Variants in RSU1 observed in about 807,000 individuals in gnomAD.
RSU1 encodes rsu-1.
A neutral mutation model predicts 31.1 loss-of-function variants in RSU1; 26 were observed. That is an observed-to-expected ratio of 0.84 (90% CI 0.61 to 1.16). The LOEUF (loss-of-function observed/expected upper bound fraction) is 1.16, where lower values mean the gene tolerates loss of function less well. Ranked by LOEUF, RSU1 falls within the 50% of genes most tolerant of loss-of-function variation. The pLI is 0.00. For synonymous variants in RSU1, 164 were observed against 136.3 expected (o/e 1.20, Z -1.41); for missense variants, 320 against 339.1 (o/e 0.94, Z 0.44).
At chr10:16,640,168 G>A (rs1051270340) in intron 8 of RSU1, among the ~76,000 whole-genome samples, 7 of 151,956 alleles carry the variant, frequency 4.6e-5, no homozygotes, top group Admixed American at 4.6e-4. Flanking sequence ...GAGAGAAAGA[G>A]GATAAATGCT....
chr10:16,737,799 T>C (rs867936139), intron 7 of RSU1, among the ~76,000 whole-genome samples: 2 of 151,292 alleles, frequency 1.3e-5, no homozygotes, highest in African/African-American at 4.8e-5. Flanking sequence ...ACATATCAAC[T>C]AATGTAACCT....
chr10:16,672,347 C>A (rs1053781623), intron 8 of RSU1, among the ~76,000 whole-genome samples: 3 of 152,070 alleles, frequency 2.0e-5, no homozygotes, highest in Admixed American at 1.3e-4. Flanking sequence ...ATATGACCCA[C>A]GCATTCCACT....
chr10:16,600,050 GA>G (rs1180291245), intron 8 of RSU1, among the ~76,000 whole-genome samples: 1 of 150,830 alleles, frequency 6.6e-6, no homozygotes, highest in Non-Finnish European at 1.5e-5. Context: ...AGATGATTAA[GA>G]AGTGGGAAAA....
intron 8 of RSU1, among the ~76,000 whole-genome samples, chr10:16,623,840 C>T (rs529139750): frequency 4.5e-4 from 68 of 152,264 alleles, no homozygotes; most frequent in African/African-American, 1.6e-3. Flanking sequence ...AACCCTTCTC[C>T]AGTTACAAGA....
Position 16,816,963 on chromosome 10 carries a change from G to A in RSU1, c.109+10C>T, listed in dbSNP as rs779050368. On this transcript the variant is annotated intron_variant, in intron 2 of 8. Transcript: ENST00000345264. Reference sequence around the variant, plus strand: ...GCTCATCCACGGGAGAGTCCTGCCCGAGAACTCACAGAGGCCGTTGACATC... The same window carrying A: ...GCTCATCCACGGGAGAGTCCTGCCCAAGAACTCACAGAGGCCGTTGACATC... 58 of 1,588,568 alleles carry A rather than the reference G, an allele frequency of 3.7e-5. No homozygotes were observed. Among genetic ancestry groups the A allele is most frequent in the Non-Finnish European group, 4.6e-5 (53 of 1,156,756 alleles).
chr10:16,786,160 G>A (rs531952732), intron 2 of RSU1, among the ~76,000 whole-genome samples: 1 of 152,198 alleles, frequency 6.6e-6, no homozygotes, highest in African/African-American at 2.4e-5. Context: ...CAAGGCAGCC[G>A]AACCCATGAC....
chr10:16,595,963 G>C (rs540573752), intron 8 of RSU1, among the ~76,000 whole-genome samples: 6 of 151,614 alleles, frequency 4.0e-5, no homozygotes, highest in African/African-American at 1.5e-4. Context: ...GTGAGACTCT[G>C]TCTCAGAAAA....
intron 2 of RSU1, among the ~76,000 whole-genome samples, chr10:16,801,918 A>C (rs1353570543): frequency 3.9e-5 from 6 of 152,152 alleles, no homozygotes; most frequent in Non-Finnish European, 8.8e-5. Flanking sequence ...CATGTATTAC[A>C]AAACAAGACA....
intron 3 of RSU1, among the ~76,000 whole-genome samples, chr10:16,779,029 T>C (rs542301194): frequency 6.6e-6 from 1 of 152,262 alleles, no homozygotes; most frequent in Non-Finnish European, 1.5e-5. Flanking sequence ...AGTTAGTACC[T>C]GCCCATTCAT....
At chr10:16,778,738 G>A (rs1242407320) in intron 3 of RSU1, among the ~76,000 whole-genome samples, 2 of 152,122 alleles carry the variant, frequency 1.3e-5, no homozygotes, top group Non-Finnish European at 2.9e-5. Context: ...TGGGCCCAGA[G>A]GCAGGGCTAC....
chr10:16,814,744 C>T (rs74596799), intron 2 of RSU1, among the ~76,000 whole-genome samples: 6 of 152,202 alleles, frequency 3.9e-5, no homozygotes, highest in Non-Finnish European at 8.8e-5. Context: ...GTACTATTAT[C>T]CGTTGTTAGC....
intron 8 of RSU1, among the ~76,000 whole-genome samples, chr10:16,680,443 A>G (rs578026356): frequency 1.3e-4 from 20 of 152,332 alleles, no homozygotes; most frequent in Admixed American, 4.6e-4. Flanking sequence ...ACCTGAGGCT[A>G]GGCAATTTAT....
intron 8 of RSU1, among the ~76,000 whole-genome samples, chr10:16,653,035 G>C (rs964180509): frequency 6.6e-6 from 1 of 151,892 alleles, no homozygotes; most frequent in Non-Finnish European, 1.5e-5. Flanking sequence ...ATACAAGGGA[G>C]AGCTAAAAAA....
intron 8 of RSU1, among the ~76,000 whole-genome samples, chr10:16,645,109 C>T (rs576905840): frequency 5.8e-4 from 88 of 152,278 alleles, no homozygotes; most frequent in African/African-American, 2.1e-3. Flanking sequence ...CCATTAAACA[C>T]CATAACCAAT....
chr10:16,637,026 TA>T (rs1281619102), intron 8 of RSU1, among the ~76,000 whole-genome samples: 5 of 152,046 alleles, frequency 3.3e-5, no homozygotes, highest in African/African-American at 1.2e-4. Context: ...GAATGAATAA[TA>T]AAAAAACGGC....
intron 7 of RSU1, among the ~76,000 whole-genome samples, chr10:16,706,106 T>C (rs980258373): frequency 2.6e-5 from 4 of 152,230 alleles, no homozygotes; most frequent in Non-Finnish European, 5.9e-5. Context: ...TAAATATGGC[T>C]GTACACATAT....
intron 7 of RSU1, among the ~76,000 whole-genome samples, chr10:16,716,072 T>C (rs1836133411): frequency 6.6e-6 from 1 of 152,226 alleles, no homozygotes; most frequent in Non-Finnish European, 1.5e-5. Context: ...GTTGAACAAA[T>C]CTTCTTAAAA....
intron 8 of RSU1, among the ~76,000 whole-genome samples, chr10:16,635,868 C>G (rs951172286): frequency 6.6e-6 from 1 of 152,192 alleles, no homozygotes; most frequent in African/African-American, 2.4e-5. Flanking sequence ...ATCCTCAACT[C>G]CAAAGGCAAC....
Position 16,637,579 on chromosome 10 carries a change from T to TC in RSU1, c.732-44084dup, listed in dbSNP as rs1393165722. Among the ~76,000 whole-genome samples the TC allele has an allele frequency of 2.0e-5, 3 of 152,078 alleles. No individual in the cohort carries two copies. In the East Asian group the frequency reaches 5.8e-4, roughly 29 times the overall value. On this transcript the variant is annotated intron_variant, in intron 8 of 8. Transcript: ENST00000345264. ...GGATGATCTGTGTAAGACACAAGAC[T>TC]CCCTGTTTTTTAGTTTTGTTCTTTT...
Sources: allele counts gnomAD v4.1 joint callset (sites outside exome capture counted in the v4.1 genomes callset), GRCh38; gene constraint gnomAD v4.1.1; transcripts MANE v1.5; gene names NCBI Gene and HGNC (gene_info 2026-07-23, HGNC 2026-07-21).